DGKB: variants seen among roughly 807,000 people sequenced by gnomAD.
DGKB encodes diacylglycerol kinase beta.
In DGKB, 67 loss-of-function variants were observed where a neutral mutation model predicts 114.3. That is an observed-to-expected ratio of 0.59 (90% CI 0.48 to 0.72). DGKB has a LOEUF of 0.72. Ranked by LOEUF, DGKB falls within the 30% of genes least tolerant of loss-of-function variation. The pLI, the probability that DGKB is intolerant of heterozygous loss-of-function variation, is 0.00. For synonymous variants in DGKB, 398 were observed against 323.1 expected (o/e 1.23, Z -2.49); for missense variants, 907 against 975.2 (o/e 0.93, Z 0.93).
At chr7:14,597,823 T>C (rs1802853535) in intron 17 of DGKB, among the ~76,000 whole-genome samples, 1 of 152,168 alleles carries the variant, frequency 6.6e-6, no homozygotes, top group South Asian at 2.1e-4. Context: ...CTGAATAATT[T>C]ACATGTGTGT....
At chr7:14,434,360 G>A (rs889724259) in intron 21 of DGKB, among the ~76,000 whole-genome samples, 1 of 152,060 alleles carries the variant, frequency 6.6e-6, no homozygotes, top group African/African-American at 2.4e-5. Context: ...TTTGGGGAGG[G>A]ATTATTCTGA....
At chr7:14,713,860 TA>T (rs1168711345) in intron 6 of DGKB, among the ~76,000 whole-genome samples, 1 of 152,068 alleles carries the variant, frequency 6.6e-6, no homozygotes, top group Non-Finnish European at 1.5e-5. Context: ...TAAGATAATA[TA>T]AAAAATTCTT....
At chr7:14,506,843 G>A (rs1787158657) in intron 20 of DGKB, among the ~76,000 whole-genome samples, 1 of 152,184 alleles carries the variant, frequency 6.6e-6, no homozygotes, top group Non-Finnish European at 1.5e-5. Flanking sequence ...TTTCCAGCAA[G>A]TTGACCATTG....
intron 13 of DGKB, among the ~76,000 whole-genome samples, chr7:14,662,174 G>A (rs1031272259): frequency 2.0e-5 from 3 of 150,904 alleles, no homozygotes; most frequent in African/African-American, 7.3e-5. Flanking sequence ...CCTGCATGTT[G>A]TGCACATGTA....
intron 5 of DGKB, among the ~76,000 whole-genome samples, chr7:14,728,969 G>C (rs961300050): frequency 1.3e-5 from 2 of 151,970 alleles, no homozygotes; most frequent in East Asian, 1.9e-4. Context: ...CAAAGTGCTA[G>C]GATTACAAGC....
intron 23 of DGKB, among the ~76,000 whole-genome samples, chr7:14,321,095 A>C (rs1275166921): frequency 1.3e-5 from 2 of 152,084 alleles, no homozygotes; most frequent in African/African-American, 4.8e-5. Flanking sequence ...GTTTGAGACC[A>C]TTCTGGAAAA....
intron 1 of DGKB, among the ~76,000 whole-genome samples, chr7:14,969,535 T>C (rs759729390): frequency 1.3e-5 from 2 of 152,156 alleles, no homozygotes; most frequent in Non-Finnish European, 2.9e-5. Context: ...CAATGAGCAT[T>C]ACTGCCTGAG....
chr7:14,716,573 T>G (rs1828221519), intron 6 of DGKB, among the ~76,000 whole-genome samples: 1 of 152,192 alleles, frequency 6.6e-6, no homozygotes, highest in African/African-American at 2.4e-5. Context: ...AACACAAATT[T>G]TTGAAGTCTT....
chr7:14,732,197 A>T lies in DGKB; in HGVS notation c.322+3844T>A, dbSNP rs184031815. The stretch of plus-strand genomic sequence containing the variant: ...TGATTATCATTCAGTAGTGAGCATA[A>T]TTTTTTTTCCTTTTCAGTTTTGTTT... On this transcript the variant is annotated intron_variant, in intron 5 of 25. Transcript: ENST00000402815. 5.3e-5 allele frequency among the ~76,000 whole-genome samples: 8 copies of T among 151,226 alleles called. No homozygotes were observed. The South Asian group carries it at 6.2e-4, about 12-fold the overall frequency.
rs150777807 is a variant in DGKB at position 14,588,172 on chromosome 7, G to A, written c.1434-5035C>T. Among the ~76,000 whole-genome samples the A allele has an allele frequency of 6.2e-3, 944 of 152,054 alleles. 9 individuals carry two copies. Among genetic ancestry groups the A allele is most frequent in the African/African-American group, 0.021 (889 of 41,506 alleles). On this transcript the variant is annotated intron_variant, in intron 17 of 25. Coordinates refer to ENST00000402815, the MANE Select transcript of DGKB (RefSeq NM_001350709.2). ...ATTTTATTTCTTATTTTTGTGAAAT[G>A]CCTATTTATCCTTTTGGTTTCCATT...
intron 20 of DGKB, among the ~76,000 whole-genome samples, chr7:14,540,058 A>G (rs2128616876): frequency 6.6e-6 from 1 of 152,134 alleles, no homozygotes; most frequent in Non-Finnish European, 1.5e-5. Flanking sequence ...ATTTCACTTA[A>G]GTAAAATATT....
chr7:14,927,851 T>G (rs1021423178), intron 1 of DGKB, among the ~76,000 whole-genome samples: 2 of 151,914 alleles, frequency 1.3e-5, no homozygotes, highest in African/African-American at 4.8e-5. Flanking sequence ...AATATTTATA[T>G]GCAAAATCTG....
intron 2 of DGKB, among the ~76,000 whole-genome samples, chr7:14,761,282 G>A (rs79891671): frequency 1.3e-5 from 2 of 152,150 alleles, no homozygotes; most frequent in East Asian, 3.9e-4. Flanking sequence ...TGGAACACCA[G>A]AGAGTTCAGG....
chr7:14,200,572 T>G (rs1275346776), intron 23 of DGKB, among the ~76,000 whole-genome samples: 1 of 152,086 alleles, frequency 6.6e-6, no homozygotes, highest in Non-Finnish European at 1.5e-5. Flanking sequence ...GTTTATTTTC[T>G]TATACATATT....
At chr7:14,423,312 A>C (rs12532234) in intron 21 of DGKB, among the ~76,000 whole-genome samples, 37,975 of 151,912 alleles carry the variant, frequency 0.25, 5,589 homozygotes, top group East Asian at 0.49. Context: ...AAGATTTAAA[A>C]AATGGCTCTT....
intron 1 of DGKB, among the ~76,000 whole-genome samples, chr7:14,960,437 G>A (rs1014738708): frequency 4.6e-5 from 7 of 151,750 alleles, no homozygotes; most frequent in African/African-American, 1.7e-4. Flanking sequence ...GCAATCCTCT[G>A]ACTTTATTTT....
At chr7:14,951,698 T>TA (rs1302977744) in intron 1 of DGKB, among the ~76,000 whole-genome samples, 1 of 151,846 alleles carries the variant, frequency 6.6e-6, no homozygotes, top group Admixed American at 6.6e-5. Context: ...TCATCAATTA[T>TA]AAAAAAATTA....
rs1455201235 is a variant in DGKB, at chr7:14,587,251, A to G, written c.1434-4114T>C. On this transcript the variant is annotated intron_variant, in intron 17 of 25. Coordinates refer to ENST00000402815, the MANE Select transcript of DGKB (RefSeq NM_001350709.2). ...TTTAAAGGGTTCAAGACTTCAGTGG[A>G]GGAAGTCGCTGCAGATGTCATAAAA... 2.0e-5 allele frequency among the ~76,000 whole-genome samples: 3 copies of G among 152,230 alleles called. No homozygotes were observed. In the East Asian group the frequency reaches 5.8e-4, roughly 29 times the overall value.
chr7:14,358,050 G>A (rs1373604064), intron 21 of DGKB, among the ~76,000 whole-genome samples: 1 of 152,076 alleles, frequency 6.6e-6, no homozygotes, highest in Non-Finnish European at 1.5e-5. Flanking sequence ...CAACCTTGGT[G>A]AATCTGACAA....
Sources: allele counts gnomAD v4.1 joint callset (sites outside exome capture counted in the v4.1 genomes callset), GRCh38; gene constraint gnomAD v4.1.1; transcripts MANE v1.5; gene names NCBI Gene and HGNC (gene_info 2026-07-23, HGNC 2026-07-21).